The following ZNF804B variants were observed in gnomAD, a reference collection of about 807,000 sequenced individuals.
ZNF804B encodes the protein zinc finger protein 804B.
A neutral mutation model predicts 101.4 loss-of-function variants in ZNF804B; 80 were observed. The observed-to-expected ratio is 0.79, with a 90% CI of 0.66 to 0.95. The LOEUF (loss-of-function observed/expected upper bound fraction) is 0.95. ZNF804B is among the 40% of genes least tolerant of loss of function. The pLI is 0.00. For synonymous variants in ZNF804B, 622 were observed against 558.8 expected, an observed-to-expected ratio of 1.11 and a Z score of -1.59; for missense variants, 1,673 against 1,561.9, an observed-to-expected ratio of 1.07 and a Z score of -1.20.
intron 1 of ZNF804B, among the ~76,000 whole-genome samples, chr7:89,053,709 C>A (rs1476190209): frequency 6.6e-6 from 1 of 151,692 alleles, no homozygotes; most frequent in East Asian, 1.9e-4. Context: ...TTCTTCTTTG[C>A]ATTTCTTGCT....
intron 1 of ZNF804B, among the ~76,000 whole-genome samples, chr7:88,905,129 C>T (rs1792448884): frequency 6.6e-6 from 1 of 152,102 alleles, no homozygotes. Context: ...TCCTTTGACA[C>T]CTAGCCTGTT....
At position 89,242,793 on chromosome 7, in the gene ZNF804B, T is replaced by C. The variant is rs116920525; in HGVS notation, c.249+24498T>C. On this transcript the variant is annotated intron_variant, in intron 2 of 3. Transcript: ENST00000333190. ...GTTATATTTGTCATAATTTATCACC[T>C]AATTTATAATGTATTGATCTTCTAA... Among the ~76,000 whole-genome samples the C allele has an allele frequency of 1.5e-3, 231 of 152,024 alleles. 1 individual carries two copies. The East Asian group carries it at 0.029, about 19-fold the overall frequency.
intron 2 of ZNF804B, among the ~76,000 whole-genome samples, chr7:89,270,399 G>C (rs1007360623): frequency 6.6e-6 from 1 of 151,928 alleles, no homozygotes; most frequent in Admixed American, 6.6e-5. Context: ...TATTTTTGAG[G>C]GCTCTGTTCT....
chr7:89,047,157 T>A (rs935808730), intron 1 of ZNF804B, among the ~76,000 whole-genome samples: 1 of 152,152 alleles, frequency 6.6e-6, no homozygotes, highest in Non-Finnish European at 1.5e-5. Flanking sequence ...CATTAACATC[T>A]ATGGGTGATT....
chr7:88,759,988 C>T lies in ZNF804B; in HGVS notation c.12C>T (p.Tyr4=), dbSNP rs1789867780. MAC[Y]LVISSRHLSN... is the part of the protein sequence containing the mutation. ...CCGCCCGGACCCACATGGCTTGTTA[C>T]CTGGTCATCAGTTCGAGACATCTCA... Residue 4 remains tyrosine, a synonymous_variant, in exon 1 of 4, where the codon TAC becomes TAT. Transcript: ENST00000333190. The T allele has an allele frequency of 6.2e-7, 1 of 1,614,070 alleles. No homozygotes were observed. Among genetic ancestry groups the T allele is most frequent in the Non-Finnish European group, 8.5e-7 (1 of 1,180,030 alleles).
At chr7:88,939,694 A>T (rs1016580424) in intron 1 of ZNF804B, among the ~76,000 whole-genome samples, 1 of 151,866 alleles carries the variant, frequency 6.6e-6, no homozygotes, top group African/African-American at 2.4e-5. Context: ...AAAAGATAAA[A>T]ATAAAAAGAT....
chr7:89,055,585 A>G (rs919132652), intron 1 of ZNF804B, among the ~76,000 whole-genome samples: 2 of 152,034 alleles, frequency 1.3e-5, no homozygotes, highest in Non-Finnish European at 2.9e-5. Flanking sequence ...CTAATTCCTG[A>G]TATCAACTTC....
At chr7:88,849,770 A>T (rs1195913990) in intron 1 of ZNF804B, among the ~76,000 whole-genome samples, 1 of 151,650 alleles carries the variant, frequency 6.6e-6, no homozygotes, top group African/African-American at 2.4e-5. Context: ...ATAGATGGAC[A>T]TTTCCATTCA....
intron 2 of ZNF804B, among the ~76,000 whole-genome samples, chr7:89,267,574 T>C (rs1472827483): frequency 6.6e-6 from 1 of 152,152 alleles, no homozygotes; most frequent in Non-Finnish European, 1.5e-5. Flanking sequence ...GGAGTGACCA[T>C]AGATGTCTTC....
chr7:88,941,031 C>T (rs1448001305), intron 1 of ZNF804B, among the ~76,000 whole-genome samples: 18 of 151,824 alleles, frequency 1.2e-4, no homozygotes, highest in African/African-American at 4.3e-4. Flanking sequence ...TGCTTAACAT[C>T]ATGTTATTAG....
In ZNF804B at chr7:88,935,369, TAAA is replaced by T. The variant is rs3034324; in HGVS notation, c.108+175300_108+175302del. On this transcript the variant is annotated intron_variant, in intron 1 of 3. Coordinates refer to ENST00000333190, the MANE Select transcript of ZNF804B (RefSeq NM_181646.5). ...AAAAAACTATTGAAGTAAAAGTAAT[TAAA>T]AAAAAAAAAAAAAAGAATACACCTT... Among the ~76,000 whole-genome samples, 225 of 131,204 alleles carry T rather than the reference TAAA, an allele frequency of 1.7e-3. 1 individual carries two copies. The highest frequency in any genetic ancestry group is 0.012 in the Middle Eastern group (3 of 248). The allele number at this position is 131,204 out of a possible 152,430, so 86.1% of individuals were successfully genotyped here. A position where few individuals can be genotyped will look rare whatever the true frequency, so the allele number is the denominator to read the frequency against.
At chr7:88,946,809 T>A (rs1439723493) in intron 1 of ZNF804B, among the ~76,000 whole-genome samples, 1 of 151,866 alleles carries the variant, frequency 6.6e-6, no homozygotes, top group Non-Finnish European at 1.5e-5. Flanking sequence ...AGGGATTTGA[T>A]TCTTCCTGGT....
intron 2 of ZNF804B, among the ~76,000 whole-genome samples, chr7:89,244,849 G>T (rs967416103): frequency 9.2e-5 from 14 of 152,094 alleles, no homozygotes; most frequent in African/African-American, 2.4e-4. Flanking sequence ...ATCAATCTGA[G>T]AATTAAGTTC....
chr7:89,170,479 C>A (rs1791206566), intron 1 of ZNF804B, among the ~76,000 whole-genome samples: 1 of 152,030 alleles, frequency 6.6e-6, no homozygotes, highest in South Asian at 2.1e-4. Flanking sequence ...AGGTTTCTTT[C>A]TTTTAGTTTA....
intron 2 of ZNF804B, among the ~76,000 whole-genome samples, chr7:89,302,776 A>G (rs1206879781): frequency 6.6e-6 from 1 of 151,920 alleles, no homozygotes; most frequent in Admixed American, 6.6e-5. Flanking sequence ...CCACATGCCT[A>G]TCTCCATTCC....
intron 1 of ZNF804B, among the ~76,000 whole-genome samples, chr7:89,036,383 G>C (rs1005146980): frequency 6.6e-6 from 1 of 151,716 alleles, no homozygotes; most frequent in Non-Finnish European, 1.5e-5. Context: ...ATGAATATTA[G>C]CAGTTAATAA....
At chr7:88,836,225 T>C (rs988875725) in intron 1 of ZNF804B, among the ~76,000 whole-genome samples, 1 of 152,008 alleles carries the variant, frequency 6.6e-6, no homozygotes, top group Non-Finnish European at 1.5e-5. Flanking sequence ...TGAACCTTCA[T>C]TTTCTAGTAG....
chr7:89,203,916 C>T (rs897604159), intron 1 of ZNF804B, among the ~76,000 whole-genome samples: 3 of 152,086 alleles, frequency 2.0e-5, no homozygotes, highest in Non-Finnish European at 4.4e-5. Context: ...AGATTAATAC[C>T]AGAACAATTT....
intron 1 of ZNF804B, among the ~76,000 whole-genome samples, chr7:88,922,859 T>C (rs1017018009): frequency 1.3e-5 from 2 of 152,034 alleles, no homozygotes; most frequent in Non-Finnish European, 2.9e-5. Context: ...ATATAGCCTT[T>C]CAATAAATCA....
Sources: allele counts gnomAD v4.1 joint callset (sites outside exome capture counted in the v4.1 genomes callset), GRCh38; gene constraint gnomAD v4.1.1; transcripts MANE v1.5; gene names NCBI Gene and HGNC (gene_info 2026-07-23, HGNC 2026-07-21).